ERCC6L2: variants seen among roughly 807,000 people sequenced by gnomAD.
ERCC6L2 encodes DNA excision repair protein ERCC-6-like 2.
Under a neutral mutation model 132.0 loss-of-function variants are expected in ERCC6L2, and 77 were observed. The observed-to-expected ratio is 0.58, with a 90% CI of 0.49 to 0.71. The LOEUF (loss-of-function observed/expected upper bound fraction) is 0.71, where lower values mean the gene tolerates loss of function less well. Ranked by LOEUF, ERCC6L2 falls within the 30% of genes least tolerant of loss-of-function variation. The pLI, the probability that ERCC6L2 is intolerant of heterozygous loss-of-function variation, is 0.00. For missense variants in ERCC6L2, 1,542 were observed against 1,837.6 expected (o/e 0.84, Z 2.94); for synonymous variants, 583 against 632.4 (o/e 0.92, Z 1.17).
intron 9 of ERCC6L2, among the ~76,000 whole-genome samples, chr9:95,924,448 C>G (rs1251583441): frequency 1.3e-5 from 2 of 151,854 alleles, no homozygotes; most frequent in Non-Finnish European, 1.5e-5. Flanking sequence ...AAATTTTTGT[C>G]ATCCATTTCA....
rs559873434 is a variant in ERCC6L2, at chr9:95,982,893, A to G, written c.3492+4678A>G. ...CAGTTTTTAAACTATAAACATAGAG[A>G]CCTATTCCCCTGCTAGCTGGAGGCT... is the stretch of plus-strand genomic sequence containing the variant. On this transcript the variant is annotated intron_variant, in intron 17 of 18. Transcript: ENST00000653738. Among the ~76,000 whole-genome samples the G allele has an allele frequency of 6.6e-5, 10 of 152,202 alleles. 1 individual carries two copies. In the East Asian group the frequency reaches 1.4e-3, roughly 21 times the overall value.
intron 11 of ERCC6L2, among the ~76,000 whole-genome samples, chr9:95,940,289 A>G (rs1224947551): frequency 6.6e-6 from 1 of 152,066 alleles, no homozygotes; most frequent in Non-Finnish European, 1.5e-5. Context: ...TCTGCCTTTC[A>G]AGGCTACACC....
intron 3 of ERCC6L2, among the ~76,000 whole-genome samples, chr9:95,901,401 T>TGCAG (rs956438138): frequency 6.6e-6 from 1 of 152,230 alleles, no homozygotes; most frequent in African/African-American, 2.4e-5. Context: ...CAGTGCTTTA[T>TGCAG]GCAGGGAAAG....
intron 17 of ERCC6L2, among the ~76,000 whole-genome samples, chr9:95,991,263 A>G (rs1390630861): frequency 6.6e-6 from 1 of 152,140 alleles, no homozygotes; most frequent in African/African-American, 2.4e-5. Flanking sequence ...CTATATCACT[A>G]GTAGTTAATG....
At position 95,875,956 on chromosome 9, in the gene ERCC6L2, G is replaced by C. The variant is rs532130675; in HGVS notation, c.-83G>C. On this transcript the variant is annotated 5_prime_UTR_variant, in exon 1 of 19. Coordinates refer to ENST00000653738, the MANE Select transcript of ERCC6L2 (RefSeq NM_020207.7). ...GCCGGAAGTGGCGTTGGCCGCCATT[G>C]GCCTGCCGGCCAGCCACCTTGCTGT... 6.8e-7 allele frequency: 1 copy of C among 1,473,106 alleles called. No individual in the cohort carries two copies. The highest frequency in any genetic ancestry group is 1.2e-5 in the South Asian group (1 of 82,150). The allele number at this position is 1,473,106 out of a possible 1,614,324, so 91.3% of individuals were successfully genotyped here.
At chr9:95,978,297 C>T (rs1056109328) in intron 17 of ERCC6L2, 82 bp downstream of exon 17, 1 of 896,998 alleles carries the variant, frequency 1.1e-6, no homozygotes, top group Non-Finnish European at 1.5e-6. Flanking sequence ...TCTAAGTACT[C>T]CCTCAAAAGT....
chr9:95,941,755 T>G (rs1443314894), intron 12 of ERCC6L2, among the ~76,000 whole-genome samples: 1 of 152,250 alleles, frequency 6.6e-6, no homozygotes, highest in East Asian at 1.9e-4. Context: ...ATCCTATTAA[T>G]ATGACAGAAA....
chr9:96,001,828 C>G (rs1371638662), intron 17 of ERCC6L2, among the ~76,000 whole-genome samples: 1 of 152,240 alleles, frequency 6.6e-6, no homozygotes, highest in Non-Finnish European at 1.5e-5. Context: ...GTGGGAGGCT[C>G]AGGCATGGCG....
intron 6 of ERCC6L2, among the ~76,000 whole-genome samples, chr9:95,919,157 G>A (rs118013968): frequency 0.03 from 4,608 of 152,092 alleles, 91 homozygotes; most frequent in Non-Finnish European, 0.045. Flanking sequence ...CACCACGCCC[G>A]GCCTGTGTCT....
At chr9:95,876,161 T>G in intron 1 of ERCC6L2, 77 bp downstream of exon 1, 6 of 1,418,634 alleles carry the variant, frequency 4.2e-6, no homozygotes, top group African/African-American at 1.4e-5. Flanking sequence ...CCGGTGCCCT[T>G]CGGGTTGGGG....
In ERCC6L2 at chr9:95,916,374, C is replaced by G. The variant is rs760131119; in HGVS notation, c.1098C>G (p.Gly366=). 16 of 1,609,100 alleles carry G rather than the reference C, an allele frequency of 9.9e-6. No individual in the cohort carries two copies. Among genetic ancestry groups the G allele is most frequent in the Non-Finnish European group, 2.5e-6 (3 of 1,178,742 alleles). The part of the protein sequence containing the change: ...AMQRLAKKMS[G]WFLRRTKTLI... ...AAAGACTTGCCAAAAAGATGTCTGG[C>G]TGGTTTCTCAGGCGCACCAAGACTC... The change falls in exon 6 of 19, where the codon GGC becomes GGG. Residue 366 remains glycine (G), a synonymous_variant. Transcript: ENST00000653738.
chr9:95,880,134 G>C (rs897111359), intron 1 of ERCC6L2, among the ~76,000 whole-genome samples: 4 of 152,132 alleles, frequency 2.6e-5, no homozygotes, highest in Non-Finnish European at 5.9e-5. Context: ...TGCAGAAAGA[G>C]ATCTTAGAAT....
intron 12 of ERCC6L2, among the ~76,000 whole-genome samples, chr9:95,953,873 C>G (rs1831466731): frequency 6.6e-6 from 1 of 151,948 alleles, no homozygotes; most frequent in South Asian, 2.1e-4. Flanking sequence ...AGCAGAAAGG[C>G]CATCTAACCA....
At chr9:95,940,581 T>C (rs1471240722) in intron 11 of ERCC6L2, among the ~76,000 whole-genome samples, 1 of 152,192 alleles carries the variant, frequency 6.6e-6, no homozygotes, top group Non-Finnish European at 1.5e-5. Context: ...GATTCCGTTA[T>C]TGTTAGAGAA....
rs1248500889 is a variant in ERCC6L2, at chr9:95,876,153, G to A, written c.46+69G>A. ...GCGTCGCGTTGGACCAGTTCTTGCC[G>A]GTGCCCTTCGGGTTGGGGTTTTGCC... On this transcript the variant is annotated intron_variant, in intron 1 of 18. Coordinates refer to ENST00000653738, the MANE Select transcript of ERCC6L2 (RefSeq NM_020207.7). The A allele has an allele frequency of 2.1e-6, 3 of 1,448,152 alleles. No homozygotes were observed. In the East Asian group the frequency reaches 7.6e-5, roughly 37 times the overall value. The allele number at this position is 1,448,152 out of a possible 1,614,324, so 89.7% of individuals were successfully genotyped here.
downstream of ERCC6L2, among the ~76,000 whole-genome samples, chr9:96,018,635 ATTT>A (rs57092627): frequency 4.6e-4 from 66 of 142,202 alleles, 1 homozygote; most frequent in Admixed American, 2.3e-3. Flanking sequence ...TAATTTTTGC[ATTT>A]TTTTTTTTTT....
chr9:95,929,009 G>A, intron 11 of ERCC6L2, 145 bp downstream of exon 11: 2 of 528,506 alleles, frequency 3.8e-6, no homozygotes, highest in East Asian at 3.5e-5. Flanking sequence ...AAATTTCAAT[G>A]TCTTAAGTTT....
intron 1 of ERCC6L2, among the ~76,000 whole-genome samples, chr9:95,877,490 G>T (rs1382590240): frequency 6.6e-6 from 1 of 152,000 alleles, no homozygotes; most frequent in East Asian, 1.9e-4. Flanking sequence ...GTACTTTTTA[G>T]TTTTCTCGCA....
intron 18 of ERCC6L2, among the ~76,000 whole-genome samples, chr9:96,011,438 TG>T (rs1834023168): frequency 6.6e-6 from 1 of 152,182 alleles, no homozygotes; most frequent in African/African-American, 2.4e-5. Context: ...GGCTTCTGCA[TG>T]ATTTGGGGGA....
Sources: allele counts gnomAD v4.1 joint callset (sites outside exome capture counted in the v4.1 genomes callset), GRCh38; gene constraint gnomAD v4.1.1; transcripts MANE v1.5; gene names NCBI Gene and HGNC (gene_info 2026-07-23, HGNC 2026-07-21).